ABCB1: variants seen among roughly 807,000 people sequenced by gnomAD.
The protein encoded by ABCB1 is ATP binding cassette subfamily B member 1.
A neutral mutation model predicts 142.0 loss-of-function variants in ABCB1; 69 were observed. The observed-to-expected ratio is 0.49, with a 90% CI of 0.40 to 0.59. The LOEUF is 0.59. Among genes scored for constraint, ABCB1 ranks in the 20% least tolerant of loss-of-function variants. The probability of loss-of-function intolerance (pLI) is 0.00; values close to 1 mark genes in which losing one functional copy is unlikely to be tolerated. For missense variants in ABCB1, 1,326 were observed against 1,554.7 expected, an observed-to-expected ratio of 0.85 and a Z score of 2.47; for synonymous variants, 532 against 539.2, an observed-to-expected ratio of 0.99 and a Z score of 0.18.
At chr7:87,711,905 T>G (rs1583964692) in intron 1 of ABCB1, among the ~76,000 whole-genome samples, 1 of 152,192 alleles carries the variant, frequency 6.6e-6, no homozygotes. Context: ...TAATTACAAC[T>G]ATAAACTAGT....
intron 4 of ABCB1, among the ~76,000 whole-genome samples, chr7:87,584,951 AC>A (rs141380026): frequency 6.7e-6 from 1 of 148,932 alleles, no homozygotes; most frequent in African/African-American, 2.5e-5. Context: ...ATCCTAAAAT[AC>A]CCCCCCACAC....
intron 21 of ABCB1, among the ~76,000 whole-genome samples, chr7:87,530,829 G>A (rs535446343): frequency 4.9e-5 from 3 of 60,684 alleles, no homozygotes; most frequent in South Asian, 1.1e-3. Flanking sequence ...AAGCAAGAAA[G>A]CAAGAAAGCA....
At chr7:87,542,544 C>T (rs111635929) in intron 17 of ABCB1, among the ~76,000 whole-genome samples, 332 of 152,312 alleles carry the variant, frequency 2.2e-3, no homozygotes, top group South Asian at 5.6e-3. Flanking sequence ...GAGCTAATAT[C>T]CCAGCCCTGG....
At chr7:87,594,671 T>A (rs1819124326) in intron 3 of ABCB1, among the ~76,000 whole-genome samples, 1 of 152,112 alleles carries the variant, frequency 6.6e-6, no homozygotes, top group East Asian at 1.9e-4. Context: ...AAGTACATAG[T>A]CTCATCTCAC....
chr7:87,659,472 A>T (rs1366522056), intron 1 of ABCB1, among the ~76,000 whole-genome samples: 1 of 151,878 alleles, frequency 6.6e-6, no homozygotes, highest in Non-Finnish European at 1.5e-5. Flanking sequence ...ACCTTTCTTT[A>T]TGTCCCTTTA....
intron 5 of ABCB1, among the ~76,000 whole-genome samples, chr7:87,569,544 T>A (rs1817946951): frequency 6.6e-6 from 1 of 152,116 alleles, no homozygotes; most frequent in Admixed American, 6.5e-5. Context: ...TTTTCTGGGA[T>A]GTTTTATTTT....
intron 4 of ABCB1, among the ~76,000 whole-genome samples, chr7:87,582,657 C>G (rs1231937964): frequency 6.6e-6 from 1 of 152,222 alleles, no homozygotes; most frequent in East Asian, 1.9e-4. Flanking sequence ...TACAACTACT[C>G]TACTGTGTCA....
In ABCB1 at chr7:87,658,191, A is replaced by G. The variant is rs28746494; in HGVS notation, c.-331+54970T>C. ...AATGAAAAAGTAGAAATCCACAGCA[A>G]AGAAATGGAAGATACAAAGAAGACC... On this transcript the variant is annotated intron_variant, in intron 1 of 28. Coordinates refer to the ABCB1 transcript ENST00000265724. 1.2e-4 allele frequency among the ~76,000 whole-genome samples: 18 copies of G among 152,194 alleles called. No individual in the cohort carries two copies. In the South Asian group the frequency reaches 1.2e-3, roughly 11 times the overall value.
intron 4 of ABCB1, among the ~76,000 whole-genome samples, chr7:87,570,964 A>G (rs181595690): frequency 3.3e-5 from 5 of 152,254 alleles, no homozygotes; most frequent in South Asian, 2.1e-4. Flanking sequence ...TATTTTTTCA[A>G]TGTTGCAACT....
intron 1 of ABCB1, among the ~76,000 whole-genome samples, chr7:87,697,483 C>T (rs565298219): frequency 8.4e-4 from 128 of 152,244 alleles, no homozygotes; most frequent in African/African-American, 3.0e-3. Context: ...GAGGAAGTAA[C>T]TTTAGAATGG....
chr7:87,612,777 G>A (rs747105052), intron 1 of ABCB1, among the ~76,000 whole-genome samples: 54 of 152,060 alleles, frequency 3.6e-4, no homozygotes, highest in Middle Eastern at 3.4e-3. Flanking sequence ...TTTTAGGATC[G>A]TTTTTTCTAA....
At chr7:87,557,030 C>T (rs1817340337) in intron 8 of ABCB1, among the ~76,000 whole-genome samples, 1 of 152,166 alleles carries the variant, frequency 6.6e-6, no homozygotes, top group Non-Finnish European at 1.5e-5. Context: ...CAGGTCTCAG[C>T]TGAGATGAAA....
rs533386398 is a variant in ABCB1, at chr7:87,559,273, C to T, written c.827+1990G>A. ...TTAACTTTGAATTCAATTATTTTAA[C>T]GATTATGGGTTTACTCAGATCTTCT... is the stretch of plus-strand genomic sequence containing the variant. On this transcript the variant is annotated intron_variant, in intron 8 of 27. Coordinates refer to ENST00000622132, the MANE Select transcript of ABCB1 (RefSeq NM_001348946.2). 9.9e-5 allele frequency among the ~76,000 whole-genome samples: 15 copies of T among 152,076 alleles called. No individual in the cohort carries two copies. In the South Asian group the frequency reaches 2.7e-3, roughly 27 times the overall value.
intron 7 of ABCB1, among the ~76,000 whole-genome samples, chr7:87,562,533 C>T (rs1167352751): frequency 1.3e-5 from 2 of 152,014 alleles, no homozygotes; most frequent in Admixed American, 1.3e-4. Context: ...ACAATGGAGA[C>T]AACCAAAAAT....
At chr7:87,557,140 A>G (rs1817345582) in intron 8 of ABCB1, among the ~76,000 whole-genome samples, 1 of 152,128 alleles carries the variant, frequency 6.6e-6, no homozygotes, top group Non-Finnish European at 1.5e-5. Flanking sequence ...TTTTTAAATC[A>G]ATATTTTTAT....
chr7:87,551,835 GTCTAGTTTTTTTTTTATTTAGATCA>G (rs1328349522), intron 9 of ABCB1, among the ~76,000 whole-genome samples: 1 of 151,996 alleles, frequency 6.6e-6, no homozygotes, highest in East Asian at 1.9e-4. Context: ...TTTCTTCAAT[GTCTAGTTTTTTTTTTATTTAGATCA>G]TCAGTAAGGT....
At chr7:87,535,655 G>A (rs545469748) in intron 20 of ABCB1, among the ~76,000 whole-genome samples, 2 of 152,074 alleles carry the variant, frequency 1.3e-5, no homozygotes, top group Non-Finnish European at 2.9e-5. Context: ...ATATTTCAAC[G>A]TTATAACTCT....
intron 22 of ABCB1, 148 bp downstream of exon 22, chr7:87,520,628 T>C (rs1815458008): frequency 1.4e-6 from 1 of 731,610 alleles, no homozygotes; most frequent in African/African-American, 1.7e-5. Context: ...CTTTCTCTCC[T>C]GCATAATTAC....
chr7:87,535,508 GAT>G (rs1467038428), intron 20 of ABCB1, among the ~76,000 whole-genome samples: 1 of 139,916 alleles, frequency 7.1e-6, no homozygotes, highest in African/African-American at 3.0e-5. Flanking sequence ...TATACAACTT[GAT>G]CTAAACCTTG....
Sources: gnomAD v4.1 joint callset for allele counts (sites outside exome capture counted in the v4.1 genomes callset) on GRCh38, gnomAD v4.1.1 for gene constraint, MANE v1.5 for transcripts, NCBI Gene and HGNC (gene_info 2026-07-23, HGNC 2026-07-21) for gene names.